Variants in MICU3 observed in about 807,000 individuals in gnomAD.
MICU3 encodes the protein mitochondrial calcium uptake 3.
In MICU3, 62 loss-of-function variants were observed where a neutral mutation model predicts 66.5. The ratio of observed to expected loss-of-function variants is 0.93; its 90% CI spans 0.76 to 1.15. The LOEUF (loss-of-function observed/expected upper bound fraction) is 1.15. Among genes scored for constraint, MICU3 ranks in the 50% most tolerant of loss-of-function variants. The pLI is 0.00. For synonymous variants in MICU3, 308 were observed against 240.7 expected (o/e 1.28, Z -2.59); for missense variants, 779 against 664.4 (o/e 1.17, Z -1.90).
chr8:17,054,776 G>A (rs1381986005), intron 1 of MICU3, among the ~76,000 whole-genome samples: 2 of 119,368 alleles, frequency 1.7e-5, no homozygotes, highest in Non-Finnish European at 3.3e-5. Context: ...GTCTTGCTCT[G>A]TCGCCAGGCT....
chr8:17,039,994 A>G (rs1373364726), intron 1 of MICU3, among the ~76,000 whole-genome samples: 1 of 124,332 alleles, frequency 8.0e-6, no homozygotes, highest in African/African-American at 3.0e-5. Context: ...TGCAACCTCC[A>G]CCTCCCATGT....
intron 7 of MICU3, among the ~76,000 whole-genome samples, chr8:17,090,135 C>G (rs1452644696): frequency 6.6e-6 from 1 of 152,030 alleles, no homozygotes; most frequent in Non-Finnish European, 1.5e-5. Flanking sequence ...GCACTGATCA[C>G]AGCAGAGCAG....
At chr8:17,092,705 C>G (rs546995290) in intron 8 of MICU3, among the ~76,000 whole-genome samples, 268 of 151,980 alleles carry the variant, frequency 1.8e-3, no homozygotes, top group Middle Eastern at 0.017. Flanking sequence ...TACAAGCAAA[C>G]AAGGGACATT....
At chr8:17,035,910 A>G (rs953004859) in intron 1 of MICU3, among the ~76,000 whole-genome samples, 8 of 152,290 alleles carry the variant, frequency 5.3e-5, no homozygotes, top group Admixed American at 1.3e-4. Flanking sequence ...GGCAAGGTCA[A>G]AGGTCTTCAC....
intron 7 of MICU3, 46 bp from the exon 8 acceptor site, chr8:17,090,500 A>G (rs763836547): frequency 1.3e-6 from 2 of 1,569,686 alleles, no homozygotes; most frequent in Non-Finnish European, 1.7e-6. Context: ...ACTTGGGTTC[A>G]TTCTGAAATA....
At chr8:17,062,013 T>C (rs574668315) in intron 1 of MICU3, among the ~76,000 whole-genome samples, 51 of 152,210 alleles carry the variant, frequency 3.4e-4, no homozygotes, top group Non-Finnish European at 7.1e-4. Context: ...CCATTTTCTT[T>C]GAGTCATTGC....
rs1333016044 is a variant in MICU3 at position 17,122,288 on chromosome 8, A to G, written c.*2001A>G. The G allele has an allele frequency of 1.3e-5, 2 of 151,884 alleles. No individual in the cohort carries two copies. The highest frequency in any genetic ancestry group is 3.0e-5 in the Non-Finnish European group (2 of 67,776). The allele number at this position is 151,884 out of a possible 1,614,324, so 9.4% of individuals were successfully genotyped here. The stretch of plus-strand genomic sequence containing the variant: ...CATCATATTATCACTCTTGAATTTT[A>G]TCATCTATAAAATGAGAGATAAAAA... On this transcript the variant is annotated 3_prime_UTR_variant, in exon 15 of 15. Transcript: ENST00000318063.
At chr8:17,133,885 G>T in the MICU3 span, among the ~76,000 whole-genome samples, 1 of 152,038 alleles carries the variant, frequency 6.6e-6, no homozygotes, top group Admixed American at 6.6e-5. Context: ...TCTTCATTTG[G>T]ACTATCTGGC....
At chr8:17,055,892 A>AC (rs1816845582) in intron 1 of MICU3, among the ~76,000 whole-genome samples, 1 of 152,198 alleles carries the variant, frequency 6.6e-6, no homozygotes, top group Non-Finnish European at 1.5e-5. Flanking sequence ...TTGATCATTG[A>AC]GAAGGGAGAT....
chr8:17,049,323 A>G (rs1815651569), intron 1 of MICU3, among the ~76,000 whole-genome samples: 1 of 152,146 alleles, frequency 6.6e-6, no homozygotes, highest in Non-Finnish European at 1.5e-5. Flanking sequence ...AGAATATCTA[A>G]CTTATAGTGC....
intron 1 of MICU3, among the ~76,000 whole-genome samples, chr8:17,045,225 C>A (rs1362879361): frequency 6.6e-6 from 1 of 152,176 alleles, no homozygotes. Flanking sequence ...CAGTTCCTGG[C>A]TCGTAACTAC....
chr8:17,105,498 T>G lies in MICU3; in HGVS notation c.1171T>G (p.Phe391Val). 6.4e-7 allele frequency: 1 copy of G among 1,572,896 alleles called. No individual in the cohort carries two copies. Among genetic ancestry groups the G allele is most frequent in the Non-Finnish European group, 8.7e-7 (1 of 1,154,096 alleles). Reference protein sequence around the residue: ...NGMNTISEEDFAHILLRYTNV... With the variant: ...NGMNTISEEDVAHILLRYTNV... ...AATGAATACCATCAGTGAAGAAGAT[T>G]TTGCTCATATTCTTTTACGATATAC... Residue 391 changes from phenylalanine (F) to valine (V), a missense_variant, in exon 11 of 15, where the codon TTT becomes GTT. Phe to Val is a conservative substitution (Grantham distance 50, BLOSUM62 -1). Transcript: ENST00000318063.
At chr8:17,110,636 T>C (rs1303663772) in intron 11 of MICU3, among the ~76,000 whole-genome samples, 2 of 152,010 alleles carry the variant, frequency 1.3e-5, no homozygotes, top group African/African-American at 4.8e-5. Flanking sequence ...CAACCATAGG[T>C]CACTGTAGCC....
At chr8:17,050,444 A>G (rs924571015) in intron 1 of MICU3, among the ~76,000 whole-genome samples, 9 of 152,018 alleles carry the variant, frequency 5.9e-5, no homozygotes, top group Non-Finnish European at 1.3e-4. Flanking sequence ...TATAATTTCC[A>G]TTTTTATTGA....
intron 9 of MICU3, among the ~76,000 whole-genome samples, chr8:17,101,250 C>T (rs181860794): frequency 2.0e-5 from 3 of 151,782 alleles, no homozygotes; most frequent in East Asian, 3.9e-4. Flanking sequence ...GTTATGAAAA[C>T]ACCCGAGTTC....
the MICU3 span, among the ~76,000 whole-genome samples, chr8:17,135,491 C>T: frequency 6.6e-6 from 1 of 151,928 alleles, no homozygotes; most frequent in African/African-American, 2.4e-5. Flanking sequence ...CAGCACTTAA[C>T]TGAACTCTTG....
At chr8:17,051,841 T>C (rs1031206538) in intron 1 of MICU3, among the ~76,000 whole-genome samples, 1 of 151,920 alleles carries the variant, frequency 6.6e-6, no homozygotes, top group Admixed American at 6.5e-5. Context: ...GTAGCCTTGC[T>C]GTAAAGGGAA....
At chr8:17,087,094 T>A in intron 7 of MICU3, 59 bp downstream of exon 7, 1 of 1,109,500 alleles carries the variant, frequency 9.0e-7, no homozygotes, top group Non-Finnish European at 1.3e-6. Context: ...ATTTTATTCA[T>A]GTTAAGAAAC....
At chr8:17,052,667 G>A (rs1291695680) in intron 1 of MICU3, among the ~76,000 whole-genome samples, 1 of 152,152 alleles carries the variant, frequency 6.6e-6, no homozygotes, top group African/African-American at 2.4e-5. Flanking sequence ...TTTCCACACA[G>A]ACGCATTTAC....
Sources: gnomAD v4.1 joint callset for allele counts (sites outside exome capture counted in the v4.1 genomes callset) on GRCh38, gnomAD v4.1.1 for gene constraint, MANE v1.5 for transcripts, NCBI Gene and HGNC (gene_info 2026-07-23, HGNC 2026-07-21) for gene names.